GPRC5D: variants seen among roughly 807,000 people sequenced by gnomAD.
The protein encoded by GPRC5D is G protein-coupled receptor class C group 5 member D.
In GPRC5D, 20 loss-of-function variants were observed where a neutral mutation model predicts 29.3. The ratio of observed to expected loss-of-function variants is 0.68; its 90% CI spans 0.48 to 0.99. The LOEUF (loss-of-function observed/expected upper bound fraction) is 0.99. GPRC5D is among the 50% of genes least tolerant of loss of function. GPRC5D has a pLI of 0.00. For synonymous variants in GPRC5D, 178 were observed against 171.3 expected (o/e 1.04, Z -0.30); for missense variants, 384 against 423.6 (o/e 0.91, Z 0.82).
At chr12:12,943,627 A>AT (rs558773190) in intron 1 of GPRC5D, among the ~76,000 whole-genome samples, 1,529 of 151,710 alleles carry the variant, frequency 0.01, 10 homozygotes, top group Non-Finnish European at 0.016. Flanking sequence ...CTTTTTACTT[A>AT]TTTTTTTTAT....
chr12:12,944,612 C>G (rs747264430), intron 1 of GPRC5D: 1 of 152,050 alleles, frequency 6.6e-6, no homozygotes, highest in Non-Finnish European at 1.5e-5. Context: ...TCGTTTTATA[C>G]TCGTTGATCC....
chr12:12,951,231 G>A (rs1863488467), upstream of GPRC5D, among the ~76,000 whole-genome samples: 1 of 152,222 alleles, frequency 6.6e-6, no homozygotes, highest in Non-Finnish European at 1.5e-5. Context: ...GCTGGGCACT[G>A]TAATTTCTCT....
rs144244666 is a variant in GPRC5D at position 12,946,579 on chromosome 12, C to T, written c.895+2911G>A. On this transcript the variant is annotated intron_variant, in intron 1 of 2. Coordinates refer to ENST00000228887, the Ensembl canonical transcript of GPRC5D. The stretch of plus-strand genomic sequence containing the variant: ...AAGTGATTCTCATGCCTCAGCCTCC[C>T]GAGTAGCTAGGATTACAGGCATGCG... Among the ~76,000 whole-genome samples, 58 of 151,596 alleles carry T rather than the reference C, an allele frequency of 3.8e-4. No homozygotes were observed. The East Asian group carries it at 0.01, about 26-fold the overall frequency.
At chr12:12,940,874 C>T (rs1361797115) in intron 2 of GPRC5D, 25 bp from the exon 4 acceptor site, 2 of 1,430,202 alleles carry the variant, frequency 1.4e-6, no homozygotes, top group East Asian at 4.5e-5. Flanking sequence ...ATGCCATCAT[C>T]AACTTTCTGA....
chr12:12,949,706 C>T lies in GPRC5D; in HGVS notation c.679G>A (p.Gly227Ser), dbSNP rs377356062. 13 of 1,601,276 alleles carry T rather than the reference C, an allele frequency of 8.1e-6. No individual in the cohort carries two copies. In the African/African-American group the frequency reaches 1.7e-4, roughly 21 times the overall value. ...GGCTGTCGCTGGAACTGCGGGTTGC[C>T]TCTCAGGAGCATGGAGATCCACACC... Residue 227 changes from glycine (G) to serine (S), a missense_variant, in exon 1 of 3, where the codon GGC becomes AGC. Transcript: ENST00000228887.
intron 1 of GPRC5D, among the ~76,000 whole-genome samples, chr12:12,945,373 A>C (rs1863288988): frequency 2.0e-5 from 3 of 152,212 alleles, no homozygotes; most frequent in Admixed American, 2.0e-4. Flanking sequence ...GTTAGTCTAA[A>C]ACAGATAAGG....
chr12:12,948,418 TTGAA>T (rs1157611276), intron 1 of GPRC5D: 1 of 154,364 alleles, frequency 6.5e-6, no homozygotes, highest in Non-Finnish European at 1.5e-5. Context: ...AGGATTTAAT[TTGAA>T]TGCGCAACTA....
chr12:12,944,834 C>T (rs1327485383), intron 1 of GPRC5D, among the ~76,000 whole-genome samples: 8,263 of 19,630 alleles, frequency 0.42, 2,318 homozygotes, highest in Admixed American at 0.63. Context: ...TCCTTCCTTC[C>T]TTCCTTCCTT....
intron 1 of GPRC5D, 106 bp from the exon 3 acceptor site, chr12:12,942,434 T>G: frequency 2.7e-6 from 2 of 742,342 alleles, no homozygotes; most frequent in South Asian, 3.2e-5. Context: ...GGCTCTTCAC[T>G]CTTTAAAAGG....
At chr12:12,944,869 CTT>C (rs1298153732) in intron 1 of GPRC5D, among the ~76,000 whole-genome samples, 4 of 107,946 alleles carry the variant, frequency 3.7e-5, no homozygotes, top group Admixed American at 1.1e-4. Context: ...TTCTTTCTTT[CTT>C]TCTTTCTTTC....
exon 1 of GPRC5D, chr12:12,949,705 C>A: frequency 6.2e-7 from 1 of 1,602,982 alleles, no homozygotes; most frequent in Non-Finnish European, 8.5e-7. Flanking sequence ...CTGCGGGTTG[C>A]CTCTCAGGAG....
intron 1 of GPRC5D, among the ~76,000 whole-genome samples, chr12:12,946,278 TCC>T (rs1592374137): frequency 9.5e-6 from 1 of 105,672 alleles, no homozygotes; most frequent in South Asian, 3.4e-4. Context: ...CTTCCTTCCT[TCC>T]TTCCTTCCTT....
chr12:12,949,841 C>A (rs755022083), exon 1 of GPRC5D: 2 of 1,614,052 alleles, frequency 1.2e-6, no homozygotes, highest in Non-Finnish European at 1.7e-6. Flanking sequence ...AATGTGAGGG[C>A]CATCAGGAAG....
chr12:12,946,436 T>TTC lies in GPRC5D; in HGVS notation c.895+3052_895+3053dup, dbSNP rs67343880. Among the ~76,000 whole-genome samples the TTC allele has an allele frequency of 6.3e-5, 9 of 142,366 alleles. 2 individuals carry two copies. The highest frequency in any genetic ancestry group is 1.9e-4 in the African/African-American group (7 of 36,636). The allele number at this position is 142,366 out of a possible 152,430, so 93.4% of individuals were successfully genotyped here. On this transcript the variant is annotated intron_variant, in intron 1 of 2. Coordinates refer to ENST00000228887, the Ensembl canonical transcript of GPRC5D. ...TCTTTCTCTCTCTCTCTTTCTCTCT[T>TTC]TCTCTCTCTCTCTCTCTCTTTCTCT...
At chr12:12,943,537 G>A (rs1035586316) in intron 1 of GPRC5D, among the ~76,000 whole-genome samples, 2 of 152,190 alleles carry the variant, frequency 1.3e-5, no homozygotes, top group African/African-American at 4.8e-5. Flanking sequence ...TTGGAACAGA[G>A]CTATCCTTTG....
At chr12:12,943,716 A>G (rs1437217786) in intron 1 of GPRC5D, among the ~76,000 whole-genome samples, 2 of 152,160 alleles carry the variant, frequency 1.3e-5, no homozygotes, top group Non-Finnish European at 2.9e-5. Flanking sequence ...CCTTGGCTCA[A>G]CTTCATTCCT....
chr12:12,950,084 C>A (rs1204890246), exon 1 of GPRC5D: 1 of 1,614,006 alleles, frequency 6.2e-7, no homozygotes, highest in African/African-American at 1.3e-5. Flanking sequence ...AAACAGAGAG[C>A]AAAGAGAACC....
intron 1 of GPRC5D, among the ~76,000 whole-genome samples, chr12:12,944,833 CCTTCCT>C (rs1565477227): frequency 0.011 from 153 of 14,278 alleles, 11 homozygotes; most frequent in Non-Finnish European, 0.022. Flanking sequence ...TTCCTTCCTT[CCTTCCT>C]TCCTTCCTTC....
intron 2 of GPRC5D, 117 bp downstream of exon 3, chr12:12,942,144 C>T (rs1863167919): frequency 1.3e-6 from 1 of 752,980 alleles, no homozygotes; most frequent in Non-Finnish European, 2.3e-6. Flanking sequence ...AGGGATGCTC[C>T]TGCTCTGTCT....
Sources: gnomAD v4.1 joint callset for allele counts (sites outside exome capture counted in the v4.1 genomes callset) on GRCh38, gnomAD v4.1.1 for gene constraint, MANE v1.5 for transcripts, NCBI Gene and HGNC (gene_info 2026-07-23, HGNC 2026-07-21) for gene names.